The following MDH1 variants were observed in gnomAD, a reference collection of about 807,000 sequenced individuals.
MDH1 encodes the protein malate dehydrogenase, cytoplasmic.
A neutral mutation model predicts 38.7 loss-of-function variants in MDH1; 15 were observed. The ratio of observed to expected loss-of-function variants is 0.39; its 90% CI spans 0.26 to 0.60. The LOEUF (loss-of-function observed/expected upper bound fraction) is 0.60, where lower values mean the gene tolerates loss of function less well. Ranked by LOEUF, MDH1 falls within the 20% of genes least tolerant of loss-of-function variation. The pLI, the probability that MDH1 is intolerant of heterozygous loss-of-function variation, is 0.56. For missense variants in MDH1, 368 were observed against 405.2 expected, an observed-to-expected ratio of 0.91 and a Z score of 0.79; for synonymous variants, 144 against 143.6, an observed-to-expected ratio of 1.00 and a Z score of -0.02.
At chr2:63,606,139 T>C (rs763945940) in intron 8 of MDH1, 111 bp downstream of exon 8, 593 of 1,045,016 alleles carry the variant, frequency 5.7e-4, no homozygotes, top group Non-Finnish European at 8.2e-4. Flanking sequence ...CCCAACACTT[T>C]GGAAGGGCAA....
At chr2:63,606,580 G>C (rs1352353380) in intron 8 of MDH1, among the ~76,000 whole-genome samples, 1 of 151,814 alleles carries the variant, frequency 6.6e-6, no homozygotes, top group Non-Finnish European at 1.5e-5. Context: ...CCTACAAATA[G>C]TATATTTCTA....
chr2:63,597,276 T>C, intron 3 of MDH1, 123 bp from the exon 4 acceptor site: 1 of 1,247,240 alleles, frequency 8.0e-7, no homozygotes, highest in Non-Finnish European at 1.0e-6. Flanking sequence ...CTGAAATGTA[T>C]ATCAGTGTGA....
intron 1 of MDH1, among the ~76,000 whole-genome samples, chr2:63,591,555 G>A (rs992847198): frequency 6.6e-6 from 1 of 152,164 alleles, no homozygotes; most frequent in Non-Finnish European, 1.5e-5. Context: ...GTGACCTTAT[G>A]GGAAGTTAAA....
intron 8 of MDH1, 145 bp downstream of exon 8, chr2:63,606,173 G>C: frequency 1.3e-6 from 1 of 765,070 alleles, no homozygotes; most frequent in South Asian, 1.5e-5. Flanking sequence ...CTTGAGCCCA[G>C]GAGTTCAAGA....
rs1055486594 is a variant in MDH1, at chr2:63,595,447, A to G, written c.127A>G (p.Ile43Val). 1.2e-6 allele frequency: 2 copies of G among 1,612,178 alleles called. No individual in the cohort carries two copies. The highest frequency in any genetic ancestry group is 1.7e-6 in the Non-Finnish European group (2 of 1,178,328). Residue 43 changes from isoleucine to valine, a missense_variant, in exon 3 of 9, where the codon ATC (isoleucine) becomes GTC (valine). Physicochemically the swap from Ile to Val is conservative, Grantham distance 29. Coordinates refer to ENST00000233114, the MANE Select transcript of MDH1 (RefSeq NM_005917.4). ...DQPIILVLLD[I>V]TPMMGVLDGV... Reference sequence around the variant, plus strand: ...GCCTATAATTCTTGTGCTGTTGGATATCACCCCCATGATGGGTGTCCTGGA... The same window carrying G: ...GCCTATAATTCTTGTGCTGTTGGATGTCACCCCCATGATGGGTGTCCTGGA...
At chr2:63,590,808 ACT>A in intron 1 of MDH1, 2 of 151,974 alleles carry the variant, frequency 1.3e-5, no homozygotes, top group South Asian at 4.2e-4. Context: ...CTGACAGCAA[ACT>A]CACACATGAC....
rs1439847207 is a variant in MDH1 at position 63,589,198 on chromosome 2, C to T, written c.3+152C>T. 5 of 1,592,504 alleles carry T rather than the reference C, an allele frequency of 3.1e-6. No homozygotes were observed. The East Asian group carries it at 9.1e-5, about 29-fold the overall frequency. ...CGGACTCATCTTCTGGGGATTGCCGCAGTGACCCAGTAATGGGAAGGGATT... is the reference window on the plus strand; with the variant it reads ...CGGACTCATCTTCTGGGGATTGCCGTAGTGACCCAGTAATGGGAAGGGATT... On this transcript the variant is annotated intron_variant, in intron 1 of 8. Coordinates refer to ENST00000233114, the MANE Select transcript of MDH1 (RefSeq NM_005917.4).
Position 63,607,056 on chromosome 2 carries a change from A to G in MDH1, c.*69A>G. 7.1e-7 allele frequency: 1 copy of G among 1,405,972 alleles called. No homozygotes were observed. Among genetic ancestry groups the G allele is most frequent in the African/African-American group, 1.4e-5 (1 of 69,426 alleles). 87.1% of individuals were successfully genotyped at this position (1,405,972 alleles called of 1,614,324 possible). On this transcript the variant is annotated 3_prime_UTR_variant, in exon 9 of 9. Coordinates refer to ENST00000233114, the MANE Select transcript of MDH1 (RefSeq NM_005917.4). Reference sequence around the variant, plus strand: ...AATGTCGTCTTTGACTCAAGTACCAAATAATAATAATGCTATACTTAAATT... The same window carrying G: ...AATGTCGTCTTTGACTCAAGTACCAGATAATAATAATGCTATACTTAAATT...
Position 63,606,904 on chromosome 2 carries a change from T to C in MDH1, c.922T>C (p.Phe308Leu), listed in dbSNP as rs1447361190. 1 of 1,612,350 alleles carries C rather than the reference T, an allele frequency of 6.2e-7. No homozygotes were observed. Among genetic ancestry groups the C allele is most frequent in the East Asian group, 2.2e-5 (1 of 44,756 alleles). The change falls in exon 9 of 9, where the codon TTC (phenylalanine) becomes CTC (leucine). Residue 308 changes from phenylalanine (F) to leucine (L), a missense_variant. By Grantham distance (22) the Phe-to-Leu change is conservative. Transcript: ENST00000233114. ...KFVEGLPIND[F>L]SREKMDLTAK... ...TGTTGAAGGTCTCCCTATTAATGAT[T>C]TCTCACGTGAGAAGATGGATCTTAC...
chr2:63,604,882 A>T lies in MDH1; in HGVS notation c.675+10A>T, dbSNP rs974475883. The stretch of plus-strand genomic sequence containing the variant: ...GGGAGAATTTGTCACGGTAAGAAAA[A>T]TCTGTGAGCCTTCTTAACACTGAGC... On this transcript the variant is annotated intron_variant, in intron 6 of 8. Transcript: ENST00000233114. The T allele has an allele frequency of 1.9e-6, 3 of 1,613,694 alleles. No individual in the cohort carries two copies. The highest frequency in any genetic ancestry group is 2.5e-6 in the Non-Finnish European group (3 of 1,179,748).
rs1392025648 is a variant in MDH1, at chr2:63,595,408, C to T, written c.103-15C>T. ...ATAGCCTACACTAACAGATGCTGTC[C>T]TTGCTATTTGGTAGCCTATAATTCT... is the stretch of plus-strand genomic sequence containing the variant. On this transcript the variant is annotated splice_polypyrimidine_tract_variant and intron_variant, in intron 2 of 8. Transcript: ENST00000233114. 2.6e-6 allele frequency: 4 copies of T among 1,515,038 alleles called. No individual in the cohort carries two copies. In the Admixed American group the frequency reaches 6.7e-5, roughly 25 times the overall value. The allele number at this position is 1,515,038 out of a possible 1,614,324, so 93.8% of individuals were successfully genotyped here.
In MDH1 at chr2:63,604,778, A is replaced by T. The variant is rs1198797005; in HGVS notation, c.581A>T (p.Asp194Val). The change falls in exon 6 of 9, where the codon GAT becomes GTT. Residue 194 changes from aspartate (D) to valine (V), a missense_variant. Physicochemically the swap from Asp to Val is radical, Grantham distance 152. Transcript: ENST00000233114. ...AACCATTCCTCGACTCAGTATCCAG[A>T]TGTCAACCATGCCAAGGTGAAATTG... ...WGNHSSTQYPDVNHAKVKLQG... is the reference protein window; with the variant it reads ...WGNHSSTQYPVVNHAKVKLQG... 6.2e-7 allele frequency: 1 copy of T among 1,614,052 alleles called. No individual in the cohort carries two copies. The highest frequency in any genetic ancestry group is 8.5e-7 in the Non-Finnish European group (1 of 1,180,010).
At chr2:63,602,931 G>GTTTTT (rs1709452599) in intron 5 of MDH1, among the ~76,000 whole-genome samples, 1 of 105,760 alleles carries the variant, frequency 9.5e-6, no homozygotes, top group Non-Finnish European at 2.2e-5. Context: ...TTATTTAACC[G>GTTTTT]TTCTTTTTTT....
At position 63,597,490 on chromosome 2, in the gene MDH1, G is replaced by A. The variant is rs767517310; in HGVS notation, c.291G>A (p.Glu97=). ...VGSMPRREGM[E]RKDLLKANVK... ...CCATGCCAAGAAGGGAAGGCATGGAGAGAAAAGATTTACTGAAAGCAAATG... is the reference window on the plus strand; with the variant it reads ...CCATGCCAAGAAGGGAAGGCATGGAAAGAAAAGATTTACTGAAAGCAAATG... The change falls in exon 4 of 9, where the codon GAG becomes GAA. Residue 97 remains glutamate, a synonymous_variant. Coordinates refer to ENST00000233114, the MANE Select transcript of MDH1 (RefSeq NM_005917.4). 3.3e-5 allele frequency: 50 copies of A among 1,526,392 alleles called. No homozygotes were observed. Among genetic ancestry groups the A allele is most frequent in the Non-Finnish European group, 4.3e-5 (49 of 1,130,618 alleles). 94.6% of individuals were successfully genotyped at this position (1,526,392 alleles called of 1,614,324 possible).
At chr2:63,597,335 T>C in intron 3 of MDH1, 64 bp from the exon 4 acceptor site, 1 of 1,311,932 alleles carries the variant, frequency 7.6e-7, no homozygotes, top group African/African-American at 1.5e-5. Flanking sequence ...AGATTCAATA[T>C]GAAAAAGAAA....
rs767680486 is a variant in MDH1, at chr2:63,606,864, T to C, written c.882T>C (p.Asn294=). The C allele has an allele frequency of 6.2e-7, 1 of 1,609,366 alleles. No individual in the cohort carries two copies. The highest frequency in any genetic ancestry group is 1.3e-5 in the African/African-American group (1 of 74,726). ...TTATTTGCATTATTTTCAAACAGAA[T>C]AAGACCTGGAAGTTTGTTGAAGGTC... The part of the protein sequence containing the change: ...LLYSFPVVIK[N]KTWKFVEGLP... Residue 294 remains asparagine, a splice_region_variant and synonymous_variant, in exon 9 of 9, where the codon AAT becomes AAC. Transcript: ENST00000233114.
At position 63,589,011 on chromosome 2, in the gene MDH1, C is replaced by T. The variant is rs756532970; in HGVS notation, c.-33C>T. 1.2e-6 allele frequency: 2 copies of T among 1,614,084 alleles called. No homozygotes were observed. The highest frequency in any genetic ancestry group is 1.7e-6 in the Non-Finnish European group (2 of 1,180,020). ...ACCTGACTCTCTGAGGCTCATTTTG[C>T]AGTTGTTGAAATTGTCCCCGCAGTT... On this transcript the variant is annotated 5_prime_UTR_variant, in exon 1 of 9. Transcript: ENST00000233114.
intron 5 of MDH1, among the ~76,000 whole-genome samples, chr2:63,602,352 T>G (rs1344131800): frequency 1.4e-5 from 2 of 145,398 alleles, no homozygotes; most frequent in Non-Finnish European, 3.0e-5. Context: ...TTGGGGTTTT[T>G]TTTTTTTTTT....
chr2:63,589,106 C>T, intron 1 of MDH1, 60 bp downstream of exon 1: 1 of 1,614,114 alleles, frequency 6.2e-7, no homozygotes, highest in African/African-American at 1.3e-5. Flanking sequence ...AGTGGGGTTT[C>T]TTGCACTTTA....
Sources: gnomAD v4.1 joint callset for allele counts (sites outside exome capture counted in the v4.1 genomes callset) on GRCh38, gnomAD v4.1.1 for gene constraint, MANE v1.5 for transcripts, NCBI Gene and HGNC (gene_info 2026-07-23, HGNC 2026-07-21) for gene names.